The following SLC11A2 variants were observed in gnomAD, a reference collection of about 807,000 sequenced individuals.
SLC11A2 encodes the protein natural resistance-associated macrophage protein 2.
A neutral mutation model predicts 68.0 loss-of-function variants in SLC11A2; 38 were observed. That is an observed-to-expected ratio of 0.56 (90% CI 0.43 to 0.73). SLC11A2 has a LOEUF of 0.73. Ranked by LOEUF, SLC11A2 falls within the 30% of genes least tolerant of loss-of-function variation. The pLI is 0.00. For missense variants in SLC11A2, 517 were observed against 690.5 expected, an observed-to-expected ratio of 0.75 and a Z score of 2.82; for synonymous variants, 242 against 250.6, an observed-to-expected ratio of 0.97 and a Z score of 0.32.
the SLC11A2 span, among the ~76,000 whole-genome samples, chr12:50,957,738 A>G: frequency 2.0e-5 from 3 of 151,820 alleles, no homozygotes; most frequent in Admixed American, 6.6e-5. Context: ...TACAAAAATT[A>G]GCCAGGTGTG....
At chr12:51,023,428 G>C (rs888944518) in intron 1 of SLC11A2, among the ~76,000 whole-genome samples, 1 of 152,084 alleles carries the variant, frequency 6.6e-6, no homozygotes, top group Non-Finnish European at 1.5e-5. Context: ...GCCTGGGCAA[G>C]AGAGCGAGAC....
chr12:50,988,211 T>C lies in SLC11A2; in HGVS notation c.*114A>G. The C allele has an allele frequency of 6.3e-7, 1 of 1,578,894 alleles. No homozygotes were observed. The highest frequency in any genetic ancestry group is 8.6e-7 in the Non-Finnish European group (1 of 1,162,870). Reference sequence around the variant, plus strand: ...AACAAAGTCTTTTCCAACCAACGGTTGAGTCATAAACACAGTCTGTGCAAC... The same window carrying C: ...AACAAAGTCTTTTCCAACCAACGGTCGAGTCATAAACACAGTCTGTGCAAC... On this transcript the variant is annotated 3_prime_UTR_variant, in exon 16 of 16. Coordinates refer to ENST00000262052, the MANE Select transcript of SLC11A2 (RefSeq NM_000617.3).
At chr12:50,970,911 C>A in the SLC11A2 span, among the ~76,000 whole-genome samples, 1 of 151,912 alleles carries the variant, frequency 6.6e-6, no homozygotes, top group Non-Finnish European at 1.5e-5. Context: ...TGGAGTCTTA[C>A]TCTGTTGCCC....
chr12:50,968,250 G>T, the SLC11A2 span, among the ~76,000 whole-genome samples: 1 of 152,210 alleles, frequency 6.6e-6, no homozygotes, highest in African/African-American at 2.4e-5. Context: ...ACTGAAGTCA[G>T]TAAGGCAGCA....
chr12:50,957,879 C>G, the SLC11A2 span, among the ~76,000 whole-genome samples: 1 of 150,938 alleles, frequency 6.6e-6, no homozygotes, highest in Admixed American at 6.6e-5. Context: ...GAGTGAGACC[C>G]TGTCTGAAGA....
chr12:51,018,909 TAG>T (rs1415733776), intron 1 of SLC11A2, among the ~76,000 whole-genome samples: 1 of 152,238 alleles, frequency 6.6e-6, no homozygotes, highest in African/African-American at 2.4e-5. Context: ...ATTGTAGGTT[TAG>T]AGAGGAATGT....
intron 3 of SLC11A2, chr12:51,006,065 G>A (rs1038423196): frequency 1.9e-5 from 4 of 211,124 alleles, no homozygotes; most frequent in South Asian, 7.9e-5. Context: ...AGGCCAAGGC[G>A]GGCAGATCAC....
chr12:50,978,754 A>G (rs1383376404), downstream of SLC11A2, among the ~76,000 whole-genome samples: 1 of 152,206 alleles, frequency 6.6e-6, no homozygotes, highest in Non-Finnish European at 1.5e-5. Flanking sequence ...TGAAGACCCT[A>G]TAAACAGATA....
intron 3 of SLC11A2, 38 bp from the exon 4 acceptor site, chr12:51,005,474 C>A: frequency 1.2e-6 from 2 of 1,610,962 alleles, no homozygotes; most frequent in Non-Finnish European, 1.7e-6. Flanking sequence ...CTGAACATCA[C>A]CATTGAACTA....
intron 5 of SLC11A2, among the ~76,000 whole-genome samples, chr12:51,002,641 A>AAAAAAAAAAAAC (rs1490279086): frequency 2.0e-5 from 3 of 149,468 alleles, no homozygotes; most frequent in Admixed American, 1.3e-4. Context: ...TTGGTCTCAA[A>AAAAAAAAAAAAC]AAAAAAAAAA....
At chr12:50,980,007 C>A, downstream of SLC11A2, 1 of 451,232 alleles carries the variant, frequency 2.2e-6, no homozygotes, top group Non-Finnish European at 4.4e-6. Flanking sequence ...CAGCAGATTA[C>A]TTGAGCTCAT....
Position 50,987,147 on chromosome 12 carries a change from C to T in SLC11A2, c.*1178G>A, listed in dbSNP as rs1370159689. The T allele has an allele frequency of 3.1e-6, 4 of 1,283,160 alleles. No homozygotes were observed. In the South Asian group the frequency reaches 3.7e-5, roughly 12 times the overall value. The allele number at this position is 1,283,160 out of a possible 1,614,324, so 79.5% of individuals were successfully genotyped here. A position where few individuals can be genotyped will look rare whatever the true frequency, so the allele number is the denominator to read the frequency against. Reference sequence around the variant, plus strand: ...ACCCATTTCCTCTGACTCCAGAGCTCCACCATCTGGTCTCAAGATTTTTCC... The same window carrying T: ...ACCCATTTCCTCTGACTCCAGAGCTTCACCATCTGGTCTCAAGATTTTTCC... On this transcript the variant is annotated 3_prime_UTR_variant, in exon 16 of 16. Transcript: ENST00000262052.
At chr12:51,027,788 ACG>A (rs1944447851), upstream of SLC11A2, among the ~76,000 whole-genome samples, 1 of 152,190 alleles carries the variant, frequency 6.6e-6, no homozygotes, top group South Asian at 2.1e-4. Flanking sequence ...TTCTTTATTC[ACG>A]TAAAAACAGC....
chr12:50,958,063 G>A, the SLC11A2 span, among the ~76,000 whole-genome samples: 1 of 150,136 alleles, frequency 6.7e-6, no homozygotes, highest in African/African-American at 2.4e-5. Flanking sequence ...GCCTTGGCCT[G>A]CCAAAGTGCT....
At chr12:50,992,955 T>C in intron 11 of SLC11A2, 26 bp from the exon 12 acceptor site, 1 of 1,613,560 alleles carries the variant, frequency 6.2e-7, no homozygotes, top group African/African-American at 1.3e-5. Flanking sequence ...AGGAAGGATA[T>C]GATTGTGGCA....
intron 4 of SLC11A2, 38 bp downstream of exon 4, chr12:51,005,273 A>C: frequency 6.2e-7 from 1 of 1,609,602 alleles, no homozygotes; most frequent in Non-Finnish European, 8.5e-7. Flanking sequence ...AGAGTGTATT[A>C]TGTGCTTAAA....
chr12:51,025,934 G>C (rs1389016976), intron 1 of SLC11A2: 33 of 998,986 alleles, frequency 3.3e-5, no homozygotes, highest in Admixed American at 6.1e-5. Context: ...ACCTTGCCCT[G>C]TGCCCGTCGG....
At chr12:50,962,183 C>T in the SLC11A2 span, among the ~76,000 whole-genome samples, 6 of 151,938 alleles carry the variant, frequency 3.9e-5, no homozygotes, top group African/African-American at 7.3e-5. Flanking sequence ...GTAAGGAGTT[C>T]GATACCAGCC....
the SLC11A2 span, among the ~76,000 whole-genome samples, chr12:50,965,780 G>A: frequency 4.3e-4 from 65 of 152,162 alleles, no homozygotes; most frequent in Non-Finnish European, 1.5e-4. Flanking sequence ...TGGTAAATGA[G>A]CACAGGTCCC....
Sources: allele counts gnomAD v4.1 joint callset (sites outside exome capture counted in the v4.1 genomes callset), GRCh38; gene constraint gnomAD v4.1.1; transcripts MANE v1.5; gene names NCBI Gene and HGNC (gene_info 2026-07-23, HGNC 2026-07-21).